MLPH: variants seen among roughly 807,000 people sequenced by gnomAD.
MLPH encodes the protein melanophilin, also known as exophilin-3.
Under a neutral mutation model 72.1 loss-of-function variants are expected in MLPH, and 51 were observed. The ratio of observed to expected loss-of-function variants is 0.71; its 90% CI spans 0.56 to 0.89. MLPH has a LOEUF of 0.89. Ranked by LOEUF, MLPH falls within the 40% of genes least tolerant of loss-of-function variation. The pLI is 0.00. For missense variants in MLPH, 743 were observed against 759.9 expected (o/e 0.98, Z 0.26); for synonymous variants, 301 against 310.1 (o/e 0.97, Z 0.31).
rs2080649382 is a variant in MLPH at position 237,540,458 on chromosome 2, G to A, written c.1215G>A (p.Glu405=). The part of the protein sequence containing the change: ...NVSDQETSSE[E]EEAKDEKAEP... ...GTGACCAGGAGACCTCGTCCGAGGA[G>A]GAGGAAGCCAAGGACGAAAAGGCAG... Residue 405 remains glutamate, a synonymous_variant, in exon 10 of 16, where the codon GAG becomes GAA. Coordinates refer to ENST00000264605, the MANE Select transcript of MLPH (RefSeq NM_024101.7). 6.2e-7 allele frequency: 1 copy of A among 1,612,914 alleles called. No homozygotes were observed. The highest frequency in any genetic ancestry group is 8.5e-7 in the Non-Finnish European group (1 of 1,179,466).
rs1304780539 is a variant in MLPH, at chr2:237,542,599, G to C, written c.1479G>C (p.Leu493=). The change falls in exon 12 of 16, where the codon CTG becomes CTC. Residue 493 remains leucine, a synonymous_variant. Coordinates refer to ENST00000264605, the MANE Select transcript of MLPH (RefSeq NM_024101.7). ...VSDIESRIAA[L]RAAGLTVKPS... ...ACATTGAATCCAGGATTGCAGCCCT[G>C]AGGGCCGCAGGGCTCACGGTGAAGC... is the stretch of plus-strand genomic sequence containing the variant. 1.2e-6 allele frequency: 2 copies of C among 1,604,128 alleles called. No homozygotes were observed. The highest frequency in any genetic ancestry group is 1.3e-5 in the African/African-American group (1 of 74,946).
chr2:237,490,391 GC>G (rs1669006965), intron 1 of MLPH, among the ~76,000 whole-genome samples: 2 of 152,264 alleles, frequency 1.3e-5, no homozygotes, highest in South Asian at 2.1e-4. Context: ...AGATATCCAA[GC>G]AGCCTCTAGG....
Position 237,549,273 on chromosome 2 carries a change from G to A in MLPH, c.1670G>A (p.Ser557Asn). The change falls in exon 14 of 16, where the codon AGT becomes AAT. Residue 557 changes from serine (S) to asparagine (N), a missense_variant. Transcript: ENST00000264605. Reference protein sequence around the residue: ...LRRKFSNSLKSQGKDDDSFDR... With the variant: ...LRRKFSNSLKNQGKDDDSFDR... ...AGAAAGTTCAGTAATTCCCTGAAAA[G>A]TCAAGGTAAGAGCCCTCTGCTCCCC... is the stretch of plus-strand genomic sequence containing the variant. 6.2e-7 allele frequency: 1 copy of A among 1,614,120 alleles called. No individual in the cohort carries two copies. Among genetic ancestry groups the A allele is most frequent in the Non-Finnish European group, 8.5e-7 (1 of 1,179,968 alleles).
intron 8 of MLPH, among the ~76,000 whole-genome samples, chr2:237,528,282 T>C (rs1409466604): frequency 1.3e-5 from 2 of 152,000 alleles, no homozygotes; most frequent in Non-Finnish European, 2.9e-5. Context: ...TATTTTATAA[T>C]TGAAAAAAGT....
intron 4 of MLPH, among the ~76,000 whole-genome samples, chr2:237,516,846 T>TA (rs2080034670): frequency 2.0e-5 from 3 of 149,090 alleles, no homozygotes; most frequent in Non-Finnish European, 4.5e-5. Context: ...GATGGATGGA[T>TA]GGATGGATGA....
chr2:237,540,337 T>G lies in MLPH; in HGVS notation c.1105-11T>G. 1 of 1,613,278 alleles carries G rather than the reference T, an allele frequency of 6.2e-7. No individual in the cohort carries two copies. The highest frequency in any genetic ancestry group is 8.5e-7 in the Non-Finnish European group (1 of 1,179,960). On this transcript the variant is annotated splice_polypyrimidine_tract_variant and intron_variant, in intron 9 of 15. Coordinates refer to ENST00000264605, the MANE Select transcript of MLPH (RefSeq NM_024101.7). ...CTAGCCGAATCCAAATCCACTGGCCTGTTCTGTCAGGGTCTAGGTGCTGGA... is the reference window on the plus strand; with the variant it reads ...CTAGCCGAATCCAAATCCACTGGCCGGTTCTGTCAGGGTCTAGGTGCTGGA...
chr2:237,524,302 A>ATATATATATATATATATATATAT (rs2080253513), intron 6 of MLPH, among the ~76,000 whole-genome samples: 1 of 127,368 alleles, frequency 7.9e-6, no homozygotes, highest in African/African-American at 4.1e-5. Flanking sequence ...GAACTAATAG[A>ATATATATATATATATATATATAT]ATATATATAT....
intron 4 of MLPH, 61 bp from the exon 5 acceptor site, chr2:237,518,478 A>T: frequency 7.1e-7 from 1 of 1,399,118 alleles, no homozygotes; most frequent in Non-Finnish European, 1.0e-6. Context: ...GGATGGGCTG[A>T]CAAATGGCTT....
chr2:237,539,379 A>C (rs1195225919), intron 9 of MLPH, among the ~76,000 whole-genome samples: 1 of 152,240 alleles, frequency 6.6e-6, no homozygotes, highest in Non-Finnish European at 1.5e-5. Context: ...AGGGGTCATG[A>C]TGTCTGCAAG....
chr2:237,510,902 T>C lies in MLPH; in HGVS notation c.333-87T>C, dbSNP rs2079880331. 1 of 493,934 alleles carries C rather than the reference T, an allele frequency of 2.0e-6. No individual in the cohort carries two copies. Among genetic ancestry groups the C allele is most frequent in the Non-Finnish European group, 3.2e-6 (1 of 315,872 alleles). 30.6% of individuals were successfully genotyped at this position (493,934 alleles called of 1,614,324 possible). ...GTGGACGCACACATGCACACACTCG[T>C]GTGTGTGTGTGTGTGTGTGTGTGAG... is the stretch of plus-strand genomic sequence containing the variant. On this transcript the variant is annotated intron_variant, in intron 3 of 15. Coordinates refer to ENST00000264605, the MANE Select transcript of MLPH (RefSeq NM_024101.7). This position sits in a 1 kb window ranked among gnomAD's most constrained non-coding sequence, Gnocchi z 4.4.
intron 6 of MLPH, among the ~76,000 whole-genome samples, chr2:237,521,293 C>T (rs890372181): frequency 3.3e-5 from 5 of 152,044 alleles, no homozygotes; most frequent in African/African-American, 4.8e-5. Context: ...GATGGGCTTG[C>T]GGTATCCATG....
At chr2:237,511,193 CGTGTGTGTGTGCAT>C (rs1303898754) in intron 4 of MLPH, 92 bp downstream of exon 4, 2 of 949,358 alleles carry the variant, frequency 2.1e-6, no homozygotes, top group African/African-American at 1.6e-5. Flanking sequence ...TGTGTGTGTA[CGTGTGTGTGTGCAT>C]GTGTGTGTGC....
intron 2 of MLPH, 33 bp downstream of exon 2, chr2:237,493,569 G>T: frequency 6.4e-7 from 1 of 1,564,690 alleles, no homozygotes. Context: ...ACGGAGCCCG[G>T]GGTCCCTGAT....
At chr2:237,503,958 C>T (rs1051466111) in intron 2 of MLPH, among the ~76,000 whole-genome samples, 5 of 152,226 alleles carry the variant, frequency 3.3e-5, no homozygotes, top group Admixed American at 6.5e-5. Flanking sequence ...GTTCCCTGGG[C>T]GGGCCTAATA....
intron 5 of MLPH, 21 bp downstream of exon 5, chr2:237,518,669 C>A (rs780264042): frequency 6.3e-7 from 1 of 1,576,380 alleles, no homozygotes; most frequent in South Asian, 1.1e-5. Flanking sequence ...TCCAGCCACC[C>A]CCTCCTCAGC....
At chr2:237,531,789 A>C (rs1341043528) in intron 8 of MLPH, among the ~76,000 whole-genome samples, 1 of 152,192 alleles carries the variant, frequency 6.6e-6, no homozygotes, top group African/African-American at 2.4e-5. Context: ...AATGGGGCCC[A>C]AAGTGGACTA....
At chr2:237,545,738 C>G in intron 12 of MLPH, 2 of 1,043,008 alleles carry the variant, frequency 1.9e-6, no homozygotes, top group Non-Finnish European at 2.5e-6. Flanking sequence ...TGAAAGATGA[C>G]CTTAGGAGAG....
chr2:237,536,234 C>G (rs932112264), intron 9 of MLPH, among the ~76,000 whole-genome samples: 3 of 152,030 alleles, frequency 2.0e-5, no homozygotes, highest in Non-Finnish European at 4.4e-5. Flanking sequence ...CAGGCTCTGA[C>G]CCCGGCCGGA....
chr2:237,539,727 T>C (rs1235987919), intron 9 of MLPH, among the ~76,000 whole-genome samples: 2 of 152,174 alleles, frequency 1.3e-5, no homozygotes, highest in Non-Finnish European at 2.9e-5. Context: ...TGGATACTGC[T>C]ATCACCACCA....
Sources: allele counts gnomAD v4.1 joint callset (sites outside exome capture counted in the v4.1 genomes callset), GRCh38; gene constraint gnomAD v4.1.1; non-coding constraint Gnocchi (gnomAD v3.1); transcripts MANE v1.5; gene names NCBI Gene and HGNC (gene_info 2026-07-23, HGNC 2026-07-21).